Variants in FCHO1 observed in about 807,000 individuals in gnomAD.
The protein encoded by FCHO1 is FCH and mu domain containing endocytic adaptor 1, also known as F-BAR domain only protein 1.
FCHO1 carries 45 observed loss-of-function variants against 114.4 expected under a neutral mutation model. That is an observed-to-expected ratio of 0.39 (90% CI 0.31 to 0.50). FCHO1 has a LOEUF of 0.50. FCHO1 is among the 20% of genes least tolerant of loss of function. The pLI is 0.77. For synonymous variants in FCHO1, 480 were observed against 488.9 expected (o/e 0.98, Z 0.24); for missense variants, 1,042 against 1,209.6 (o/e 0.86, Z 2.06).
intron 4 of FCHO1, among the ~76,000 whole-genome samples, chr19:17,761,131 G>GT (rs1422266500): frequency 1.3e-5 from 2 of 152,168 alleles, no homozygotes; most frequent in Non-Finnish European, 2.9e-5. Context: ...GCACTAACAG[G>GT]TAACAGCAGA....
rs779533518 is a variant in FCHO1, at chr19:17,784,240, G to A, written c.2226+5G>A. On this transcript the variant is annotated splice_donor_5th_base_variant and intron_variant, in intron 25 of 28. Transcript: ENST00000596536. The surrounding 1 kb of genome is among the most constrained non-coding windows in gnomAD (Gnocchi z 5.3). The stretch of plus-strand genomic sequence containing the variant: ...GTGGTGCTGCTGCGATACCAGGTGC[G>A]CCACCCGCATGGGGCCGGGAGGAGG... The A allele has an allele frequency of 7.6e-5, 121 of 1,597,122 alleles. No homozygotes were observed. The highest frequency in any genetic ancestry group is 9.7e-5 in the Non-Finnish European group (114 of 1,172,244).
chr19:17,778,426 G>C (rs1275781039), intron 19 of FCHO1, 183 bp from the exon 20 acceptor site: 1 of 807,630 alleles, frequency 1.2e-6, no homozygotes, highest in East Asian at 2.7e-5. Flanking sequence ...CGGTGACTGA[G>C]TGGATGGGCC....
At chr19:17,757,259 G>C (rs565333280) in intron 4 of FCHO1, among the ~76,000 whole-genome samples, 130 of 152,204 alleles carry the variant, frequency 8.5e-4, no homozygotes, top group African/African-American at 3.0e-3. Context: ...GTTCTGGTGG[G>C]AGAGACAGAC....
rs1359156179 is a variant in FCHO1 at position 17,786,622 on chromosome 19, G to A, written c.2475G>A (p.Glu825=). 6.2e-7 allele frequency: 1 copy of A among 1,612,442 alleles called. No homozygotes were observed. Among genetic ancestry groups the A allele is most frequent in the Non-Finnish European group, 8.5e-7 (1 of 1,179,534 alleles). The change falls in exon 27 of 29, where the codon GAG becomes GAA. Residue 825 remains glutamate, a synonymous_variant. Coordinates refer to ENST00000596536, the MANE Select transcript of FCHO1 (RefSeq NM_015122.3). ...CTTGGAGGCTTCCAGATGTGTCCGA[G>A]GCAGGCGGTGAGCTGTGGTTGTGTA... The part of the protein sequence containing the change: ...RLTWRLPDVS[E]AGGSGRLSAS...
At chr19:17,772,402 C>A in intron 9 of FCHO1, 55 bp from the exon 10 acceptor site, 2 of 1,341,102 alleles carry the variant, frequency 1.5e-6, no homozygotes, top group Non-Finnish European at 2.1e-6. Context: ...AGTCATATGG[C>A]CACTTCTTCT....
chr19:17,761,400 A>AT (rs2086108850), intron 4 of FCHO1, among the ~76,000 whole-genome samples: 3 of 36,446 alleles, frequency 8.2e-5, no homozygotes, highest in African/African-American at 1.7e-4. Flanking sequence ...AATTTAACAC[A>AT]CTTTTTTTTT....
At chr19:17,773,149 A>G (rs1247132331) in intron 11 of FCHO1, among the ~76,000 whole-genome samples, 2 of 152,242 alleles carry the variant, frequency 1.3e-5, no homozygotes, top group Non-Finnish European at 2.9e-5. Flanking sequence ...CAATTTGGGA[A>G]TGCGCAGATG....
At chr19:17,748,710 G>A (rs928809230), upstream of FCHO1, among the ~76,000 whole-genome samples, 1 of 152,196 alleles carries the variant, frequency 6.6e-6, no homozygotes, top group African/African-American at 2.4e-5. Context: ...GGACCAGGAG[G>A]CAGTGTCGAA....
intron 4 of FCHO1, among the ~76,000 whole-genome samples, chr19:17,760,115 G>T (rs111483995): frequency 0.051 from 7,674 of 150,858 alleles, 316 homozygotes; most frequent in East Asian, 0.16. Context: ...GCAATGGCAC[G>T]ATCTCAGCTC....
At chr19:17,755,047 G>C in intron 3 of FCHO1, 71 bp from the exon 4 acceptor site, 2 of 921,438 alleles carry the variant, frequency 2.2e-6, no homozygotes, top group Admixed American at 1.7e-5. Flanking sequence ...TTCCTCTACA[G>C]GGAGGGACTT....
intron 4 of FCHO1, among the ~76,000 whole-genome samples, chr19:17,756,086 T>C (rs747720504): frequency 9.2e-5 from 14 of 152,180 alleles, no homozygotes; most frequent in Non-Finnish European, 1.6e-4. Flanking sequence ...GAGCTTGCAG[T>C]GAGGAAGCCT....
Position 17,775,835 on chromosome 19 carries a change from T to G in FCHO1, c.1004-148T>G. On this transcript the variant is annotated intron_variant, in intron 15 of 28. Transcript: ENST00000596536. The surrounding 1 kb of genome is among the most constrained non-coding windows in gnomAD (Gnocchi z 5.1). ...GGGGGGTGGGAGTGCTGGTGGGACA[T>G]GGTGTCAGGACTGAAGGTGGCGCGT... The G allele has an allele frequency of 1.1e-6, 1 of 872,128 alleles. No homozygotes were observed. Among genetic ancestry groups the G allele is most frequent in the Non-Finnish European group, 1.7e-6 (1 of 576,420 alleles). 54.0% of individuals were successfully genotyped at this position (872,128 alleles called of 1,614,324 possible).
At chr19:17,786,511 C>T in intron 26 of FCHO1, 63 bp from the exon 27 acceptor site, 1 of 1,552,608 alleles carries the variant, frequency 6.4e-7, no homozygotes, top group Non-Finnish European at 8.8e-7. Flanking sequence ...GCAGCTGAGG[C>T]AGGACCCTGG....
Position 17,784,168 on chromosome 19 carries a change from C to T in FCHO1, c.2159C>T (p.Ala720Val). ...CTCAACATGGCAGCTCTGACCGAAG[C>T]CCTGCAGCGCCAGGCAGAGCAGAAC... ...FWLNMAALTE[A>V]LQRQAEQNPT... The change falls in exon 25 of 29, where the codon GCC (alanine) becomes GTC (valine). Residue 720 changes from alanine (A) to valine (V), a missense_variant. Coordinates refer to ENST00000596536, the MANE Select transcript of FCHO1 (RefSeq NM_015122.3). This position sits in a 1 kb window ranked among gnomAD's most constrained non-coding sequence, Gnocchi z 5.3. The T allele has an allele frequency of 6.2e-7, 1 of 1,614,072 alleles. No homozygotes were observed. The highest frequency in any genetic ancestry group is 8.5e-7 in the Non-Finnish European group (1 of 1,180,018).
chr19:17,781,604 T>C, intron 22 of FCHO1, 65 bp downstream of exon 22: 1 of 1,584,528 alleles, frequency 6.3e-7, no homozygotes, highest in Non-Finnish European at 8.7e-7. Flanking sequence ...TCTGGGTGGG[T>C]GGCTTCTCTG....
At chr19:17,788,127 A>G (rs1254881354) in intron 28 of FCHO1, 157 bp from the exon 29 acceptor site, 5 of 702,598 alleles carry the variant, frequency 7.1e-6, no homozygotes, top group East Asian at 5.7e-5. Context: ...CCTGCCCCCA[A>G]CAAGGGGCTC....
At chr19:17,783,959 C>T in intron 24 of FCHO1, 144 bp from the exon 25 acceptor site, 3 of 955,384 alleles carry the variant, frequency 3.1e-6, no homozygotes, top group Non-Finnish European at 3.2e-6. Flanking sequence ...TCCTTTACTG[C>T]CCGCACCACA....
rs1470301517 is a variant in FCHO1 at position 17,778,754 on chromosome 19, G to T, written c.1497G>T (p.Pro499=). ...PDSWVPRPGT[P]QSPPSCRAPP... is the part of the protein sequence containing the mutation. ...CCTGGGTCCCCCGCCCAGGCACCCC[G>T]CAGAGCCCGCCCAGCTGTAGGGCGC... Residue 499 remains proline (P), a synonymous_variant, in exon 20 of 29, where the codon CCG becomes CCT. Transcript: ENST00000596536. The T allele has an allele frequency of 1.3e-6, 2 of 1,538,982 alleles. No individual in the cohort carries two copies. The highest frequency in any genetic ancestry group is 8.7e-7 in the Non-Finnish European group (1 of 1,147,574).
intron 26 of FCHO1, among the ~76,000 whole-genome samples, chr19:17,785,862 G>A (rs964680168): frequency 7.9e-5 from 12 of 151,246 alleles, no homozygotes; most frequent in African/African-American, 2.9e-4. Flanking sequence ...TAGTGGTAGT[G>A]TGCTCTTGTA....
Sources: allele counts gnomAD v4.1 joint callset (sites outside exome capture counted in the v4.1 genomes callset), GRCh38; gene constraint gnomAD v4.1.1; non-coding constraint Gnocchi (gnomAD v3.1); transcripts MANE v1.5; gene names NCBI Gene and HGNC (gene_info 2026-07-23, HGNC 2026-07-21).